SLC9A9: variants seen among roughly 807,000 people sequenced by gnomAD.
SLC9A9 encodes solute carrier family 9 member A9.
A neutral mutation model predicts 77.8 loss-of-function variants in SLC9A9; 62 were observed. That is an observed-to-expected ratio of 0.80 (90% CI 0.65 to 0.98). The LOEUF (loss-of-function observed/expected upper bound fraction) is 0.98, where lower values mean the gene tolerates loss of function less well. Among genes scored for constraint, SLC9A9 ranks in the 50% least tolerant of loss-of-function variants. The probability of loss-of-function intolerance (pLI) is 0.00; values close to 1 mark genes in which losing one functional copy is unlikely to be tolerated. For missense variants in SLC9A9, 775 were observed against 774.9 expected (o/e 1.00, Z 0.00); for synonymous variants, 320 against 283.5 (o/e 1.13, Z -1.29).
chr3:143,575,634 A>G (rs542266655), intron 7 of SLC9A9, among the ~76,000 whole-genome samples: 1 of 152,264 alleles, frequency 6.6e-6, no homozygotes, highest in Non-Finnish European at 1.5e-5. Flanking sequence ...TTTGTTACTT[A>G]GAGGGAAGTC....
At chr3:143,728,526 T>A (rs919821708) in intron 4 of SLC9A9, among the ~76,000 whole-genome samples, 1 of 151,786 alleles carries the variant, frequency 6.6e-6, no homozygotes, top group Non-Finnish European at 1.5e-5. Context: ...GCCTTGCCAG[T>A]GGTGGTAAGG....
At position 143,652,284 on chromosome 3, in the gene SLC9A9, C is replaced by T; in HGVS notation, c.726G>A (p.Leu242=). The T allele has an allele frequency of 6.2e-7, 1 of 1,613,288 alleles. No individual in the cohort carries two copies. The highest frequency in any genetic ancestry group is 1.1e-5 in the South Asian group (1 of 90,874). The change falls in exon 6 of 16, where the codon TTG becomes TTA. Residue 242 remains leucine, a synonymous_variant. Coordinates refer to ENST00000316549, the MANE Select transcript of SLC9A9 (RefSeq NM_173653.4). ...LYTLLFGESV[L]NDAVAIVLTY... ...TAAGGACTATGGCCACTGCATCATT[C>T]AACACACTCTCTCCAAACAAGAGTG...
intron 11 of SLC9A9, among the ~76,000 whole-genome samples, chr3:143,468,527 T>C (rs990720239): frequency 1.3e-5 from 2 of 152,226 alleles, no homozygotes; most frequent in African/African-American, 4.8e-5. Context: ...CTGCCCACCT[T>C]ATTTCTTGTT....
At chr3:143,308,372 C>A (rs1371461181) in intron 14 of SLC9A9, among the ~76,000 whole-genome samples, 2 of 152,000 alleles carry the variant, frequency 1.3e-5, no homozygotes, top group Non-Finnish European at 2.9e-5. Context: ...GCCAGGAGAT[C>A]GAGACCATCC....
At chr3:143,828,767 G>T (rs2009364023) in intron 2 of SLC9A9, among the ~76,000 whole-genome samples, 1 of 152,194 alleles carries the variant, frequency 6.6e-6, no homozygotes, top group East Asian at 1.9e-4. Flanking sequence ...GAAGAAAAAA[G>T]TTCTTGTTGT....
rs58911282 is a variant in SLC9A9, at chr3:143,482,889, TGG to T, written c.1315+10762_1315+10763del. Among the ~76,000 whole-genome samples the T allele has an allele frequency of 5.7e-3, 863 of 152,318 alleles. 9 individuals carry two copies. Among genetic ancestry groups the T allele is most frequent in the African/African-American group, 0.02 (811 of 41,578 alleles). On this transcript the variant is annotated intron_variant, in intron 11 of 15. Coordinates refer to ENST00000316549, the MANE Select transcript of SLC9A9 (RefSeq NM_173653.4). ...GAGCTGAGGCGGGGTTGTTCACTCG[TGG>T]CATTAACTAGGGCTATGCTCAAGGG...
intron 9 of SLC9A9, among the ~76,000 whole-genome samples, chr3:143,509,901 T>C (rs2036087264): frequency 6.6e-6 from 1 of 152,236 alleles, no homozygotes; most frequent in Non-Finnish European, 1.5e-5. Context: ...TCTAATGTCC[T>C]CTACACACTA....
At chr3:143,433,890 A>G (rs1329366333) in intron 12 of SLC9A9, among the ~76,000 whole-genome samples, 1 of 152,164 alleles carries the variant, frequency 6.6e-6, no homozygotes, top group South Asian at 2.1e-4. Flanking sequence ...GATAACCTAT[A>G]TCTTCTATAC....
rs573516359 is a variant in SLC9A9 at position 143,774,884 on chromosome 3, G to A, written c.533+20117C>T. On this transcript the variant is annotated intron_variant, in intron 4 of 15. Transcript: ENST00000316549. ...CTGTCTGCTTCGCCTCAACTGCTCG[G>A]TTGCCTCCTCCGTTCATTTTCTCCT... Among the ~76,000 whole-genome samples the A allele has an allele frequency of 2.0e-5, 3 of 152,254 alleles. No homozygotes were observed. The South Asian group carries it at 6.2e-4, about 32-fold the overall frequency.
intron 5 of SLC9A9, among the ~76,000 whole-genome samples, chr3:143,664,341 G>T (rs1266759270): frequency 2.6e-5 from 4 of 152,152 alleles, no homozygotes; most frequent in Admixed American, 2.6e-4. Context: ...AGTAAACATG[G>T]AAAGGAACAA....
chr3:143,635,474 T>C (rs7632272), intron 6 of SLC9A9, among the ~76,000 whole-genome samples: 94,957 of 152,110 alleles, frequency 0.62, 30,000 homozygotes, highest in African/African-American at 0.73. Flanking sequence ...CTGTTATTTC[T>C]TTGCTATTGG....
At chr3:143,667,807 G>T (rs2039094077) in intron 5 of SLC9A9, among the ~76,000 whole-genome samples, 1 of 152,162 alleles carries the variant, frequency 6.6e-6, no homozygotes, top group African/African-American at 2.4e-5. Context: ...CAGTTATTAT[G>T]GCGATCATTA....
Position 143,301,620 on chromosome 3 carries a change from T to C in SLC9A9, c.1605-32640A>G, listed in dbSNP as rs372028544. On this transcript the variant is annotated intron_variant, in intron 14 of 15. Transcript: ENST00000316549. ...TCCAGCAGCAGTCCTTAAATGTTGGTGTGTATCAGAATCACCTGGGGATCT... is the reference window on the plus strand; with the variant it reads ...TCCAGCAGCAGTCCTTAAATGTTGGCGTGTATCAGAATCACCTGGGGATCT... Among the ~76,000 whole-genome samples the C allele has an allele frequency of 9.0e-4, 137 of 152,324 alleles. 1 individual carries two copies. Among genetic ancestry groups the C allele is most frequent in the African/African-American group, 3.0e-3 (126 of 41,566 alleles).
chr3:143,557,324 G>C (rs891415965), intron 8 of SLC9A9, among the ~76,000 whole-genome samples: 1 of 152,122 alleles, frequency 6.6e-6, no homozygotes, highest in African/African-American at 2.4e-5. Flanking sequence ...CCCAGTCTCA[G>C]GTATTTCTTC....
At chr3:143,734,239 A>G (rs1934882616) in intron 4 of SLC9A9, among the ~76,000 whole-genome samples, 1 of 152,140 alleles carries the variant, frequency 6.6e-6, no homozygotes, top group African/African-American at 2.4e-5. Context: ...AAAACCTTGA[A>G]TTGAAACTAA....
intron 12 of SLC9A9, among the ~76,000 whole-genome samples, chr3:143,459,138 T>G (rs1311024469): frequency 6.6e-6 from 1 of 152,034 alleles, no homozygotes; most frequent in Non-Finnish European, 1.5e-5. Flanking sequence ...ATTTTTCCAT[T>G]TGTTTCCATT....
chr3:143,282,974 A>G (rs891417412), intron 14 of SLC9A9, among the ~76,000 whole-genome samples: 3 of 152,212 alleles, frequency 2.0e-5, no homozygotes, highest in Non-Finnish European at 4.4e-5. Flanking sequence ...TGGGGTTTCC[A>G]CAGACCTTTC....
chr3:143,624,129 T>C (rs2038273696), intron 6 of SLC9A9, among the ~76,000 whole-genome samples: 2 of 152,128 alleles, frequency 1.3e-5, no homozygotes, highest in African/African-American at 4.8e-5. Context: ...ATTAATAGCT[T>C]ACCAACCAAA....
rs760306072 is a variant in SLC9A9 at position 143,848,231 on chromosome 3, A to T, written c.92T>A (p.Leu31His). The T allele has an allele frequency of 1.2e-6, 2 of 1,614,042 alleles. No individual in the cohort carries two copies. Among genetic ancestry groups the T allele is most frequent in the South Asian group, 1.1e-5 (1 of 91,074 alleles). Residue 31 changes from leucine (L) to histidine (H), a missense_variant, in exon 1 of 16, where the codon CTC (leucine) becomes CAC (histidine). Physicochemically the swap from Leu to His is moderately conservative, Grantham distance 99 (BLOSUM62 -3). Coordinates refer to ENST00000316549, the MANE Select transcript of SLC9A9 (RefSeq NM_173653.4). ...AVELLVFNFLLILTILTIWLF... is the reference protein window; with the variant it reads ...AVELLVFNFLHILTILTIWLF... ...CCAGATTGTCAAAATGGTAAGGATG[A>T]GCAAAAAATTGAAGACAAGCAGCTC...
Sources: allele counts gnomAD v4.1 joint callset (sites outside exome capture counted in the v4.1 genomes callset), GRCh38; gene constraint gnomAD v4.1.1; transcripts MANE v1.5; gene names NCBI Gene and HGNC (gene_info 2026-07-23, HGNC 2026-07-21).